RASA3: variants seen among roughly 807,000 people sequenced by gnomAD.
RASA3 encodes the protein RAS p21 protein activator 3, also known as ras GTPase-activating protein 3.
In RASA3, 73 loss-of-function variants were observed where a neutral mutation model predicts 110.0. The ratio of observed to expected loss-of-function variants is 0.66; its 90% CI spans 0.55 to 0.81. The LOEUF is 0.81. RASA3 is among the 30% of genes least tolerant of loss of function. RASA3 has a pLI of 0.00. For missense variants in RASA3, 976 were observed against 1,113.2 expected (o/e 0.88, Z 1.75); for synonymous variants, 500 against 451.4 (o/e 1.11, Z -1.37).
At chr13:114,023,067 C>G (rs1023521928) in intron 8 of RASA3, among the ~76,000 whole-genome samples, 1 of 152,252 alleles carries the variant, frequency 6.6e-6, no homozygotes. Flanking sequence ...AAAACCACGC[C>G]TCCCAGCAGC....
intron 4 of RASA3, among the ~76,000 whole-genome samples, chr13:114,037,238 A>G (rs922684355): frequency 6.6e-6 from 1 of 152,184 alleles, no homozygotes; most frequent in African/African-American, 2.4e-5. Flanking sequence ...TGGTTACACT[A>G]TCTACCCTGT....
At chr13:114,109,122 G>A (rs983644869) in intron 1 of RASA3, among the ~76,000 whole-genome samples, 6 of 152,166 alleles carry the variant, frequency 3.9e-5, no homozygotes, top group Non-Finnish European at 7.3e-5. Flanking sequence ...GAGGGCAGGC[G>A]GCAGGGTCCT....
chr13:114,027,317 G>GGATC (rs2139366175), intron 7 of RASA3, 72 bp downstream of exon 7: 1 of 1,270,008 alleles, frequency 7.9e-7, no homozygotes, highest in Non-Finnish European at 1.1e-6. Flanking sequence ...AGATCATTCT[G>GGATC]GATCCAGACT....
At chr13:114,031,674 G>A (rs573407207) in intron 4 of RASA3, among the ~76,000 whole-genome samples, 118 of 152,232 alleles carry the variant, frequency 7.8e-4, no homozygotes, top group Non-Finnish European at 1.0e-3. Context: ...TGTGTGTGCC[G>A]CTGTCCCTGT....
At chr13:114,063,381 C>T (rs148554630) in intron 2 of RASA3, among the ~76,000 whole-genome samples, 2,131 of 148,570 alleles carry the variant, frequency 0.014, 128 homozygotes, top group Admixed American at 0.1. Flanking sequence ...ATTTATAATA[C>T]AAATATAAGT....
At chr13:114,087,201 C>T (rs1420895235) in intron 1 of RASA3, among the ~76,000 whole-genome samples, 6 of 127,042 alleles carry the variant, frequency 4.7e-5, no homozygotes, top group South Asian at 2.7e-4. Context: ...GGAGTATCGA[C>T]TCCCTTCGTC....
At chr13:114,062,181 C>T (rs2079364873) in intron 2 of RASA3, among the ~76,000 whole-genome samples, 1 of 130,464 alleles carries the variant, frequency 7.7e-6, no homozygotes, top group African/African-American at 2.7e-5. Flanking sequence ...TTAGAATTTT[C>T]CTGTGGGTTT....
rs142665593 is a variant in RASA3 at position 114,041,026 on chromosome 13, G to A, written c.346C>T (p.His116Tyr). The change falls in exon 4 of 24, where the codon CAC becomes TAC. Residue 116 changes from histidine to tyrosine, a missense_variant. Around this residue, in one of 4 missense-constraint regions of RASA3, gnomAD observed 732 missense variants for 779.7 expected, o/e 0.94. Transcript: ENST00000334062. Reference sequence around the variant, plus strand: ...TGCACTTCCGAGTCAGCGTCCACGTGCTGCAGCTGGAACCAGGTGTCCCTG... The same window carrying A: ...TGCACTTCCGAGTCAGCGTCCACGTACTGCAGCTGGAACCAGGTGTCCCTG... ...HNRDTWFQLQ[H>Y]VDADSEVQGK... The A allele has an allele frequency of 3.4e-4, 548 of 1,613,786 alleles. No individual in the cohort carries two copies. The highest frequency in any genetic ancestry group is 4.7e-4 in the Admixed American group (28 of 60,030).
At chr13:114,131,721 TGCACACACACAAACGCGC>T (rs960058647) in intron 1 of RASA3, among the ~76,000 whole-genome samples, 3 of 151,950 alleles carry the variant, frequency 2.0e-5, no homozygotes, top group Non-Finnish European at 2.9e-5. Context: ...CACGCACACA[TGCACACACACAAACGCGC>T]GCACACACAC....
intron 2 of RASA3, among the ~76,000 whole-genome samples, chr13:114,071,977 T>C (rs1193334628): frequency 1.3e-5 from 2 of 152,216 alleles, no homozygotes; most frequent in Non-Finnish European, 2.9e-5. Flanking sequence ...GCTTCTGAAC[T>C]GAACGGTGCA....
intron 4 of RASA3, among the ~76,000 whole-genome samples, chr13:114,036,424 C>T (rs375411005): frequency 5.3e-5 from 8 of 152,210 alleles, no homozygotes; most frequent in South Asian, 2.1e-4. Context: ...AATCACAGAG[C>T]GGAGGGACTC....
intron 1 of RASA3, among the ~76,000 whole-genome samples, chr13:114,124,941 C>T (rs750515916): frequency 9.9e-5 from 15 of 152,214 alleles, no homozygotes; most frequent in Admixed American, 5.9e-4. Context: ...CTTGCTGCTA[C>T]GGAAGGCCTT....
chr13:113,980,549 A>G (rs1244258758), intron 23 of RASA3, among the ~76,000 whole-genome samples: 1 of 152,204 alleles, frequency 6.6e-6, no homozygotes, highest in Non-Finnish European at 1.5e-5. Context: ...AAACAGCATC[A>G]TGCTTCGCGC....
chr13:114,030,653 T>C (rs115419900), intron 4 of RASA3, among the ~76,000 whole-genome samples: 2 of 152,350 alleles, frequency 1.3e-5, no homozygotes, highest in Admixed American at 6.5e-5. Context: ...TGCTGCTGTG[T>C]CCATCCACCT....
chr13:114,063,630 G>C (rs1269323453), intron 2 of RASA3, among the ~76,000 whole-genome samples: 9 of 152,250 alleles, frequency 5.9e-5, no homozygotes. Context: ...GTGGACAGCA[G>C]TGCCAGGTCC....
intron 1 of RASA3, among the ~76,000 whole-genome samples, chr13:114,074,496 C>T (rs915636364): frequency 6.6e-6 from 1 of 152,234 alleles, no homozygotes; most frequent in African/African-American, 2.4e-5. Flanking sequence ...TGCAAAGGGA[C>T]CTCGTCTTGC....
intron 1 of RASA3, among the ~76,000 whole-genome samples, chr13:114,075,942 C>A (rs36072629): frequency 1.0e-5 from 1 of 99,566 alleles, no homozygotes; most frequent in Admixed American, 9.4e-5. Context: ...CCTCCCGTGT[C>A]GGCGCCGCGT....
intron 2 of RASA3, among the ~76,000 whole-genome samples, chr13:114,073,446 C>A (rs2079611381): frequency 7.2e-6 from 1 of 138,324 alleles, no homozygotes; most frequent in African/African-American, 2.8e-5. Context: ...AAATTCCCTA[C>A]ACATGGGAAA....
At chr13:114,013,312 G>GC in intron 14 of RASA3, 64 bp from the exon 15 acceptor site, 1 of 1,266,498 alleles carries the variant, frequency 7.9e-7, no homozygotes, top group Non-Finnish European at 1.1e-6. Flanking sequence ...GGGACACCAT[G>GC]CCCCGGCCCC....
Sources: allele counts gnomAD v4.1 joint callset (sites outside exome capture counted in the v4.1 genomes callset), GRCh38; gene constraint gnomAD v4.1.1; regional missense constraint gnomAD v4.1.1; transcripts MANE v1.5; gene names NCBI Gene and HGNC (gene_info 2026-07-23, HGNC 2026-07-21).